The following MYO6 variants were observed in gnomAD, a reference collection of about 807,000 sequenced individuals.
MYO6 encodes myosin VI.
Under a neutral mutation model 178.7 loss-of-function variants are expected in MYO6, and 74 were observed. The ratio of observed to expected loss-of-function variants is 0.41; its 90% CI spans 0.34 to 0.50. The LOEUF (loss-of-function observed/expected upper bound fraction) is 0.50. Among genes scored for constraint, MYO6 ranks in the 20% least tolerant of loss-of-function variants. The pLI, the probability that MYO6 is intolerant of heterozygous loss-of-function variation, is 0.09. For synonymous variants in MYO6, 477 were observed against 504.6 expected (o/e 0.95, Z 0.73); for missense variants, 1,330 against 1,547.4 (o/e 0.86, Z 2.36).
intron 1 of MYO6, among the ~76,000 whole-genome samples, chr6:75,808,028 A>G (rs533569161): frequency 9.2e-5 from 14 of 152,316 alleles, no homozygotes; most frequent in Non-Finnish European, 1.2e-4. Context: ...TTTATCTTCT[A>G]TAGCTTCTAG....
chr6:75,838,819 G>C (rs1773915540), intron 7 of MYO6, among the ~76,000 whole-genome samples: 1 of 151,654 alleles, frequency 6.6e-6, no homozygotes, highest in African/African-American at 2.4e-5. Context: ...CCACCACCAT[G>C]CCTGGCTAAT....
At chr6:75,777,798 T>C (rs1048298763) in intron 1 of MYO6, among the ~76,000 whole-genome samples, 2 of 152,132 alleles carry the variant, frequency 1.3e-5, no homozygotes, top group Admixed American at 1.3e-4. Context: ...TTAGTTTAGC[T>C]TATAATACAA....
At chr6:75,800,774 G>A (rs1032309588) in intron 1 of MYO6, among the ~76,000 whole-genome samples, 1 of 152,154 alleles carries the variant, frequency 6.6e-6, no homozygotes, top group Non-Finnish European at 1.5e-5. Flanking sequence ...AGGCTGGAGT[G>A]CAGTGGCACA....
At chr6:75,887,573 G>A (rs534783444) in intron 25 of MYO6, among the ~76,000 whole-genome samples, 4 of 148,234 alleles carry the variant, frequency 2.7e-5, no homozygotes, top group East Asian at 2.0e-4. Context: ...CCTGGGAGGC[G>A]GAGATTGCAG....
chr6:75,810,805 G>T (rs922057030), intron 1 of MYO6, among the ~76,000 whole-genome samples: 7 of 152,182 alleles, frequency 4.6e-5, no homozygotes, highest in Admixed American at 2.0e-4. Context: ...TAGCCTAGTT[G>T]AGGAGAGGCC....
At chr6:75,883,512 T>TAATCTC (rs1778203516) in intron 23 of MYO6, among the ~76,000 whole-genome samples, 1 of 152,212 alleles carries the variant, frequency 6.6e-6, no homozygotes, top group African/African-American at 2.4e-5. Context: ...TTTAGGATTT[T>TAATCTC]TGATGTTAGG....
intron 23 of MYO6, among the ~76,000 whole-genome samples, chr6:75,885,595 C>A (rs1255716353): frequency 6.6e-6 from 1 of 152,090 alleles, no homozygotes; most frequent in Non-Finnish European, 1.5e-5. Flanking sequence ...TACAGGCGCC[C>A]GCCACCATGC....
intron 1 of MYO6, among the ~76,000 whole-genome samples, chr6:75,792,045 C>T (rs1768305016): frequency 6.6e-6 from 1 of 152,136 alleles, no homozygotes; most frequent in Non-Finnish European, 1.5e-5. Context: ...TGTCCTAGTG[C>T]TCTGTTATGT....
At chr6:75,791,212 T>C (rs1223854644) in intron 1 of MYO6, among the ~76,000 whole-genome samples, 1 of 152,174 alleles carries the variant, frequency 6.6e-6, no homozygotes, top group East Asian at 1.9e-4. Flanking sequence ...GGATTAAAGG[T>C]GTGAGCCACC....
intron 20 of MYO6, among the ~76,000 whole-genome samples, chr6:75,874,082 A>G (rs765729983): frequency 2.6e-5 from 4 of 152,102 alleles, no homozygotes; most frequent in Non-Finnish European, 5.9e-5. Flanking sequence ...CTCTTTTGAG[A>G]GGTAGATTTA....
intron 1 of MYO6, among the ~76,000 whole-genome samples, chr6:75,786,300 T>G (rs915005489): frequency 6.6e-6 from 1 of 152,158 alleles, no homozygotes; most frequent in African/African-American, 2.4e-5. Flanking sequence ...CCACACTGTT[T>G]TATTGTGGCT....
chr6:75,842,338 G>A (rs113173430), intron 9 of MYO6, among the ~76,000 whole-genome samples: 6 of 152,278 alleles, frequency 3.9e-5, no homozygotes, highest in African/African-American at 1.4e-4. Context: ...GTATGGGAAT[G>A]TAGTTTATAC....
intron 19 of MYO6, among the ~76,000 whole-genome samples, chr6:75,872,729 A>G (rs929685235): frequency 1.3e-5 from 2 of 152,016 alleles, no homozygotes; most frequent in Non-Finnish European, 2.9e-5. Flanking sequence ...TTAATTAGTA[A>G]TTCAAAAAGT....
chr6:75,846,708 G>T (rs1774761805), intron 10 of MYO6, among the ~76,000 whole-genome samples: 1 of 152,022 alleles, frequency 6.6e-6, no homozygotes, highest in Non-Finnish European at 1.5e-5. Flanking sequence ...ACCTTTCCTA[G>T]TGGGACATTT....
At chr6:75,892,721 T>C in intron 28 of MYO6, 31 bp downstream of exon 28, 1 of 1,610,678 alleles carries the variant, frequency 6.2e-7, no homozygotes, top group Non-Finnish European at 8.5e-7. Flanking sequence ...GGTATAGCGC[T>C]CTCTCCTTTG....
chr6:75,907,747 T>C, intron 31 of MYO6, 39 bp downstream of exon 31: 1 of 1,492,534 alleles, frequency 6.7e-7, no homozygotes, highest in Non-Finnish European at 9.3e-7. Context: ...AAAATGTTCA[T>C]AGTGATAGGT....
At chr6:75,849,448 C>T (rs2150282985) in intron 11 of MYO6, among the ~76,000 whole-genome samples, 1 of 152,218 alleles carries the variant, frequency 6.6e-6, no homozygotes, top group Middle Eastern at 3.4e-3. Flanking sequence ...GCTCTCTGAG[C>T]TTTGGTTTCC....
intron 1 of MYO6, among the ~76,000 whole-genome samples, chr6:75,809,438 T>C (rs1382052471): frequency 2.0e-5 from 3 of 152,134 alleles, no homozygotes; most frequent in African/African-American, 7.2e-5. Flanking sequence ...CTGTAAAATA[T>C]TTAAAGAGGT....
Position 75,832,876 on chromosome 6 carries a change from G to C in MYO6, c.426G>C (p.Lys142Asn). 1.9e-6 allele frequency: 3 copies of C among 1,614,088 alleles called. No individual in the cohort carries two copies. Among genetic ancestry groups the C allele is most frequent in the Non-Finnish European group, 2.5e-6 (3 of 1,179,954 alleles). ...DKAFRDMKVL[K>N]MSQSIIVSGE... is the part of the protein sequence containing the mutation. ...CTTTTCGAGACATGAAGGTGCTCAA[G>C]ATGAGTCAGTCTATCATTGTATCTG... is the stretch of plus-strand genomic sequence containing the variant. The change falls in exon 6 of 35, where the codon AAG becomes AAC. Residue 142 changes from lysine (K) to asparagine (N), a missense_variant. Coordinates refer to ENST00000369977, the MANE Select transcript of MYO6 (RefSeq NM_004999.4).
Sources: gnomAD v4.1 joint callset for allele counts (sites outside exome capture counted in the v4.1 genomes callset) on GRCh38, gnomAD v4.1.1 for gene constraint, MANE v1.5 for transcripts, NCBI Gene and HGNC (gene_info 2026-07-23, HGNC 2026-07-21) for gene names.